Variants in ARFGEF1 observed in about 807,000 individuals in gnomAD.
ARFGEF1 encodes the protein ARF guanine nucleotide exchange factor 1.
A neutral mutation model predicts 231.0 loss-of-function variants in ARFGEF1; 42 were observed. That is an observed-to-expected ratio of 0.18 (90% CI 0.14 to 0.24). The LOEUF (loss-of-function observed/expected upper bound fraction) is 0.24, where lower values mean the gene tolerates loss of function less well. Among genes scored for constraint, ARFGEF1 ranks in the 10% least tolerant of loss-of-function variants. The pLI, the probability that ARFGEF1 is intolerant of heterozygous loss-of-function variation, is 1.00. For synonymous variants in ARFGEF1, 710 were observed against 732.3 expected, an observed-to-expected ratio of 0.97 and a Z score of 0.49; for missense variants, 1,345 against 2,192.0, an observed-to-expected ratio of 0.61 and a Z score of 7.72.
At chr8:67,233,416 T>C (rs1389272377) in intron 22 of ARFGEF1, among the ~76,000 whole-genome samples, 1 of 152,028 alleles carries the variant, frequency 6.6e-6, no homozygotes, top group East Asian at 1.9e-4. Flanking sequence ...GAATCATTCA[T>C]CTTTTCCCTT....
chr8:67,254,458 T>C (rs1251704360), intron 17 of ARFGEF1, among the ~76,000 whole-genome samples: 1 of 152,188 alleles, frequency 6.6e-6, no homozygotes, highest in African/African-American at 2.4e-5. Flanking sequence ...GAACTTAAGG[T>C]AACTCTTAAG....
chr8:67,175,253 AAAC>A (rs1292964982), downstream of ARFGEF1: 4 of 1,482,840 alleles, frequency 2.7e-6, no homozygotes, highest in African/African-American at 1.4e-5. Flanking sequence ...TCCCATTTGA[AAAC>A]AACATTTAAC....
intron 33 of ARFGEF1, among the ~76,000 whole-genome samples, chr8:67,212,995 T>C (rs999812259): frequency 1.3e-5 from 2 of 152,158 alleles, no homozygotes; most frequent in African/African-American, 4.8e-5. Flanking sequence ...AGGTATATTG[T>C]TTTCTCAATT....
chr8:67,286,378 T>A (rs1187077939), intron 7 of ARFGEF1, among the ~76,000 whole-genome samples: 3 of 152,222 alleles, frequency 2.0e-5, no homozygotes, highest in African/African-American at 7.2e-5. Context: ...AACGAAAACT[T>A]TCACTTCAGA....
intron 6 of ARFGEF1, among the ~76,000 whole-genome samples, chr8:67,289,313 G>A (rs1805898662): frequency 6.6e-6 from 1 of 152,008 alleles, no homozygotes; most frequent in South Asian, 2.1e-4. Context: ...CCAGCACTTT[G>A]GGAAGCTGGG....
chr8:67,205,032 C>A (rs1176437257), intron 34 of ARFGEF1, among the ~76,000 whole-genome samples: 1 of 152,172 alleles, frequency 6.6e-6, no homozygotes, highest in Non-Finnish European at 1.5e-5. Context: ...AATAAAAGTG[C>A]CCTACATAAT....
intron 10 of ARFGEF1, among the ~76,000 whole-genome samples, chr8:67,271,025 C>CAAAAAAAAAAAAAAAAAAAAAAAAA (rs36063944): frequency 5.5e-5 from 2 of 36,090 alleles, no homozygotes; most frequent in African/African-American, 1.1e-4. Context: ...ACTCCATCTC[C>CAAAAAAAAAAAAAAAAAAAAAAAAA]AAAAAAAAAA....
intron 1 of ARFGEF1, among the ~76,000 whole-genome samples, chr8:67,319,765 C>T (rs991761776): frequency 1.3e-5 from 2 of 152,046 alleles, no homozygotes; most frequent in African/African-American, 2.4e-5. Flanking sequence ...AGGTAAGCTA[C>T]AGAAAATATT....
At chr8:67,193,075 T>A (rs1301706962), downstream of ARFGEF1, among the ~76,000 whole-genome samples, 1 of 152,222 alleles carries the variant, frequency 6.6e-6, no homozygotes, top group Non-Finnish European at 1.5e-5. Context: ...TTTATTTTGT[T>A]CATCACAGTG....
At chr8:67,242,293 C>CA (rs1202399176) in intron 19 of ARFGEF1, among the ~76,000 whole-genome samples, 1 of 152,202 alleles carries the variant, frequency 6.6e-6, no homozygotes, top group African/African-American at 2.4e-5. Context: ...AGCTCCAAAA[C>CA]AGACTCCCTT....
chr8:67,278,663 T>C (rs1031110638), intron 7 of ARFGEF1, among the ~76,000 whole-genome samples: 6 of 152,048 alleles, frequency 3.9e-5, no homozygotes, highest in African/African-American at 1.4e-4. Flanking sequence ...CTGGCCAACA[T>C]GGTGAAACCT....
At chr8:67,299,112 C>T in intron 4 of ARFGEF1, 97 bp downstream of exon 4, 1 of 1,148,898 alleles carries the variant, frequency 8.7e-7, no homozygotes, top group Admixed American at 3.0e-5. Context: ...AGCTGGAATG[C>T]ACATAAAATG....
chr8:67,256,488 C>CA (rs1423846778), intron 17 of ARFGEF1, among the ~76,000 whole-genome samples: 7 of 152,108 alleles, frequency 4.6e-5, no homozygotes, highest in South Asian at 4.2e-4. Flanking sequence ...AAAACAGACA[C>CA]AAAAAATCCC....
chr8:67,312,177 A>G (rs1357759563), intron 1 of ARFGEF1, among the ~76,000 whole-genome samples: 3 of 150,450 alleles, frequency 2.0e-5, no homozygotes, highest in Non-Finnish European at 1.5e-5. Flanking sequence ...TCCCTCCACT[A>G]TTGTCCCATG....
chr8:67,290,725 C>G (rs1805970801), intron 6 of ARFGEF1, among the ~76,000 whole-genome samples: 1 of 152,124 alleles, frequency 6.6e-6, no homozygotes, highest in Non-Finnish European at 1.5e-5. Context: ...CCATTATAAG[C>G]TCACAGTGAA....
intron 29 of ARFGEF1, among the ~76,000 whole-genome samples, chr8:67,222,379 C>T (rs1839227939): frequency 6.6e-6 from 1 of 150,960 alleles, no homozygotes; most frequent in African/African-American, 2.4e-5. Flanking sequence ...AATTCTCATG[C>T]CTCACCTTCC....
chr8:67,302,485 A>C lies in ARFGEF1; in HGVS notation c.125-19T>G, dbSNP rs757631323. ...ATTTCCTCTGAGGGGAAAAAAAAAG[A>C]AGCATACATTAGAAAACTGGACAGC... is the stretch of plus-strand genomic sequence containing the variant. On this transcript the variant is annotated intron_variant, in intron 1 of 38. Transcript: ENST00000262215. The C allele has an allele frequency of 3.2e-6, 5 of 1,550,574 alleles. No individual in the cohort carries two copies. The highest frequency in any genetic ancestry group is 2.5e-5 in the South Asian group (2 of 79,564).
chr8:67,266,317 CTATT>C, intron 13 of ARFGEF1, 110 bp from the exon 14 acceptor site: 3 of 745,116 alleles, frequency 4.0e-6, no homozygotes, highest in Middle Eastern at 3.1e-4. Context: ...GCTTAGATAT[CTATT>C]TAATACAAAA....
intron 5 of ARFGEF1, chr8:67,179,910 T>G: frequency 1.3e-6 from 2 of 1,573,620 alleles, no homozygotes; most frequent in Non-Finnish European, 1.7e-6. Flanking sequence ...TATTGGAATC[T>G]GATAGTGCTT....
Sources: gnomAD v4.1 joint callset for allele counts (sites outside exome capture counted in the v4.1 genomes callset) on GRCh38, gnomAD v4.1.1 for gene constraint, MANE v1.5 for transcripts, NCBI Gene and HGNC (gene_info 2026-07-23, HGNC 2026-07-21) for gene names.